Variants in ATL1 observed in about 807,000 individuals in gnomAD.
The protein encoded by ATL1 is atlastin GTPase 1, also known as atlastin-1.
Under a neutral mutation model 75.5 loss-of-function variants are expected in ATL1, and 31 were observed. That is an observed-to-expected ratio of 0.41 (90% CI 0.31 to 0.55). The LOEUF is 0.55. Among genes scored for constraint, ATL1 ranks in the 20% least tolerant of loss-of-function variants. The pLI is 0.27. For synonymous variants in ATL1, 226 were observed against 233.3 expected (o/e 0.97, Z 0.28); for missense variants, 405 against 662.6 (o/e 0.61, Z 4.27).
At chr14:50,609,358 AAGT>A (rs770224088) in intron 6 of ATL1, among the ~76,000 whole-genome samples, 1 of 151,974 alleles carries the variant, frequency 6.6e-6, no homozygotes, top group Non-Finnish European at 1.5e-5. Flanking sequence ...ATAAACTAAA[AAGT>A]AGGAGAATGA....
chr14:50,582,468 G>A lies in ATL1; in HGVS notation c.35-5363G>A. 1.3e-5 allele frequency among the ~76,000 whole-genome samples: 2 copies of A among 149,710 alleles called. 1 individual carries two copies. Among genetic ancestry groups the A allele is most frequent in the Non-Finnish European group, 3.0e-5 (2 of 67,446 alleles). ...TCTGTCACCCAGGCTGGCGTGCAGT[G>A]GTGTGATCTCAGCTCACTGCAACCT... On this transcript the variant is annotated intron_variant, in intron 1 of 13. Transcript: ENST00000358385.
chr14:50,539,725 G>A (rs1399413974), intron 1 of ATL1, among the ~76,000 whole-genome samples: 1 of 152,226 alleles, frequency 6.6e-6, no homozygotes, highest in Non-Finnish European at 1.5e-5. Context: ...CTTATACAAT[G>A]AAGAAGTTGT....
chr14:50,558,539 A>C (rs2038793102), upstream of ATL1, among the ~76,000 whole-genome samples: 1 of 152,244 alleles, frequency 6.6e-6, no homozygotes, highest in African/African-American at 2.4e-5. Context: ...TGATTCACAC[A>C]GTCTCAAAGT....
intron 1 of ATL1, among the ~76,000 whole-genome samples, chr14:50,548,423 A>T (rs189170095): frequency 6.6e-6 from 1 of 152,358 alleles, no homozygotes; most frequent in Non-Finnish European, 1.5e-5. Flanking sequence ...CTTTTGTATT[A>T]GAAGTCACTA....
intron 1 of ATL1, among the ~76,000 whole-genome samples, chr14:50,554,798 CAT>C (rs149361884): frequency 0.034 from 5,155 of 152,292 alleles, 91 homozygotes; most frequent in Middle Eastern, 0.058. Flanking sequence ...CTCACAAACT[CAT>C]CCACTCGCTG....
At chr14:50,602,447 C>T (rs1006572102) in intron 6 of ATL1, among the ~76,000 whole-genome samples, 8 of 152,126 alleles carry the variant, frequency 5.3e-5, no homozygotes, top group Admixed American at 2.0e-4. Flanking sequence ...CAGGAGTTTA[C>T]GATTTAATCA....
In ATL1 at chr14:50,570,919, G is replaced by A. The variant is rs1595587303; in HGVS notation, c.34+10620G>A. On this transcript the variant is annotated intron_variant, in intron 1 of 13. Coordinates refer to ENST00000358385, the MANE Select transcript of ATL1 (RefSeq NM_015915.5). ...GTCTCCATGTCAAGGATCAGCCTGAGATGTAAACTTAAGATCTTCACGGTC... is the reference window on the plus strand; with the variant it reads ...GTCTCCATGTCAAGGATCAGCCTGAAATGTAAACTTAAGATCTTCACGGTC... Among the ~76,000 whole-genome samples the A allele has an allele frequency of 2.0e-5, 3 of 152,258 alleles. No individual in the cohort carries two copies. In the South Asian group the frequency reaches 6.2e-4, roughly 32 times the overall value.
chr14:50,595,604 T>C lies in ATL1; in HGVS notation c.602T>C (p.Met201Thr). 6.2e-7 allele frequency: 1 copy of C among 1,613,898 alleles called. No individual in the cohort carries two copies. Among genetic ancestry groups the C allele is most frequent in the Non-Finnish European group, 8.5e-7 (1 of 1,179,960 alleles). Residue 201 changes from methionine (M) to threonine (T), a missense_variant, in exon 6 of 14, where the codon ATG becomes ACG. Around this residue, in one of 5 missense-constraint regions of ATL1, gnomAD observed 59 missense variants for 161.4 expected, o/e 0.37. Coordinates refer to ENST00000358385, the MANE Select transcript of ATL1 (RefSeq NM_015915.5). ...QLFTEYGRLA[M>T]EETFLKPFQS... ...TTCACTGAGTATGGCAGACTGGCAA[T>C]GGAGGAAACATTCCTGAAGCCATTT...
At chr14:50,615,078 T>G (rs1056468855) in intron 8 of ATL1, among the ~76,000 whole-genome samples, 1 of 152,058 alleles carries the variant, frequency 6.6e-6, no homozygotes, top group Non-Finnish European at 1.5e-5. Flanking sequence ...GAGGACTGAT[T>G]GTTACATGAT....
At chr14:50,622,286 C>G (rs1389984133) in intron 10 of ATL1, among the ~76,000 whole-genome samples, 1 of 152,158 alleles carries the variant, frequency 6.6e-6, no homozygotes, top group Non-Finnish European at 1.5e-5. Flanking sequence ...ACCAGCTACT[C>G]AGGAGGCTGA....
Position 50,629,983 on chromosome 14 carries a change from C to A in ATL1, c.1552-12C>A. ...ACTTTTCTTTTTTCTTTTTAATCTG[C>A]CTTTGCCACAGGGAAGTACAAATGA... is the stretch of plus-strand genomic sequence containing the variant. On this transcript the variant is annotated splice_polypyrimidine_tract_variant and intron_variant, in intron 12 of 13. Transcript: ENST00000358385. The A allele has an allele frequency of 1.3e-6, 2 of 1,588,926 alleles. No individual in the cohort carries two copies. Among genetic ancestry groups the A allele is most frequent in the Non-Finnish European group, 1.7e-6 (2 of 1,163,448 alleles).
chr14:50,601,268 A>ATT (rs2039269462), intron 6 of ATL1, among the ~76,000 whole-genome samples: 1 of 152,236 alleles, frequency 6.6e-6, no homozygotes, highest in East Asian at 1.9e-4. Context: ...TAACATATTA[A>ATT]CTTGATTCTT....
At chr14:50,610,794 C>T (rs1308130510) in intron 6 of ATL1, among the ~76,000 whole-genome samples, 1 of 152,154 alleles carries the variant, frequency 6.6e-6, no homozygotes, top group East Asian at 1.9e-4. Flanking sequence ...TCAAGTTTTG[C>T]CTCTAGAAGG....
chr14:50,543,083 T>C (rs913601522), intron 1 of ATL1, among the ~76,000 whole-genome samples: 2 of 152,246 alleles, frequency 1.3e-5, no homozygotes, highest in Non-Finnish European at 2.9e-5. Flanking sequence ...TCGATAGTTA[T>C]ACAAGAAGAT....
intron 11 of ATL1, among the ~76,000 whole-genome samples, chr14:50,625,549 GCTGA>G (rs1399323684): frequency 3.3e-5 from 5 of 152,156 alleles, no homozygotes; most frequent in Non-Finnish European, 5.9e-5. Flanking sequence ...GGAAGAACAG[GCTGA>G]CTTTCTTGTA....
chr14:50,609,219 AAAG>A (rs2039341244), intron 6 of ATL1, among the ~76,000 whole-genome samples: 1 of 152,064 alleles, frequency 6.6e-6, no homozygotes. Flanking sequence ...TCAGATCAGC[AAAG>A]ATGACATAAG....
intron 1 of ATL1, among the ~76,000 whole-genome samples, chr14:50,549,157 T>C (rs1353143452): frequency 6.6e-6 from 1 of 152,018 alleles, no homozygotes; most frequent in Non-Finnish European, 1.5e-5. Context: ...AGGCCAACCA[T>C]TGTATATAAG....
At chr14:50,550,285 T>C (rs1335816609) in intron 1 of ATL1, among the ~76,000 whole-genome samples, 1 of 152,230 alleles carries the variant, frequency 6.6e-6, no homozygotes, top group Non-Finnish European at 1.5e-5. Flanking sequence ...GGCAGCCTCA[T>C]TAATAGGGCC....
At chr14:50,540,803 C>A (rs868232378) in intron 1 of ATL1, among the ~76,000 whole-genome samples, 2 of 152,142 alleles carry the variant, frequency 1.3e-5, no homozygotes, top group South Asian at 4.1e-4. Context: ...ACAAGTGTAA[C>A]CTCCCTAGCT....
Sources: gnomAD v4.1 joint callset for allele counts (sites outside exome capture counted in the v4.1 genomes callset) on GRCh38, gnomAD v4.1.1 for gene constraint, gnomAD v4.1.1 regional missense constraint, MANE v1.5 for transcripts, NCBI Gene and HGNC (gene_info 2026-07-23, HGNC 2026-07-21) for gene names.